CXXC5: variants seen among roughly 807,000 people sequenced by gnomAD.
CXXC5 encodes the protein CXXC finger protein 5.
Under a neutral mutation model 17.6 loss-of-function variants are expected in CXXC5, and 2 were observed. That is an observed-to-expected ratio of 0.11 (90% CI 0.05 to 0.36). CXXC5 has a LOEUF of 0.36. Among genes scored for constraint, CXXC5 ranks in the 10% least tolerant of loss-of-function variants. CXXC5 has a pLI of 1.00. For synonymous variants in CXXC5, 171 were observed against 193.0 expected, an observed-to-expected ratio of 0.89 and a Z score of 0.94; for missense variants, 343 against 458.3, an observed-to-expected ratio of 0.75 and a Z score of 2.30.
At chr5:139,682,780 A>G in intron 2 of CXXC5, 83 bp from the exon 3 acceptor site, 1 of 1,376,174 alleles carries the variant, frequency 7.3e-7, no homozygotes, top group South Asian at 1.4e-5. Context: ...CCATGAGGCC[A>G]TCCATGGGGG....
At chr5:139,650,127 C>G (rs541754636) in intron 1 of CXXC5, among the ~76,000 whole-genome samples, 21 of 152,180 alleles carry the variant, frequency 1.4e-4, no homozygotes, top group Admixed American at 2.0e-4. Context: ...CGGAGTTGGG[C>G]TGGTGCCTCG....
intron 1 of CXXC5, among the ~76,000 whole-genome samples, chr5:139,679,508 G>A (rs561349248): frequency 6.6e-6 from 1 of 152,258 alleles, no homozygotes; most frequent in South Asian, 2.1e-4. Context: ...AGGTTCCTTT[G>A]CCTGCAGGAC....
At chr5:139,652,163 C>T (rs368800030) in intron 1 of CXXC5, among the ~76,000 whole-genome samples, 7,557 of 139,746 alleles carry the variant, frequency 0.054, 210 homozygotes, top group South Asian at 0.11. Context: ...CGCGCGCGCG[C>T]GCGCGCGCGT....
chr5:139,649,419 G>A (rs1336956642), intron 1 of CXXC5: 1 of 152,230 alleles, frequency 6.6e-6, no homozygotes, highest in Non-Finnish European at 1.5e-5. Flanking sequence ...GACCCCGCTC[G>A]CAGCCCTGTG....
At chr5:139,678,636 T>TC (rs911074279) in intron 1 of CXXC5, among the ~76,000 whole-genome samples, 6 of 146,800 alleles carry the variant, frequency 4.1e-5, no homozygotes, top group East Asian at 2.2e-4. Flanking sequence ...AAGCCCCCCC[T>TC]CCCCCCCGCT....
intron 1 of CXXC5, chr5:139,679,903 T>C (rs1757081797): frequency 6.5e-6 from 1 of 153,026 alleles, no homozygotes; most frequent in Non-Finnish European, 1.5e-5. Context: ...GCTCAAGCGA[T>C]CTGCCTGCCT....
upstream of CXXC5, among the ~76,000 whole-genome samples, chr5:139,647,715 C>A (rs575450654): frequency 7.2e-5 from 11 of 152,330 alleles, no homozygotes; most frequent in African/African-American, 2.4e-4. Flanking sequence ...GAGGCTGATG[C>A]CTGCCTGAGA....
intron 1 of CXXC5, among the ~76,000 whole-genome samples, chr5:139,664,493 G>T (rs1313182982): frequency 6.6e-6 from 1 of 152,168 alleles, no homozygotes; most frequent in African/African-American, 2.4e-5. Context: ...ACCAGGCGCT[G>T]CATGGCCCTG....
chr5:139,652,403 G>C (rs1755263528), intron 1 of CXXC5, among the ~76,000 whole-genome samples: 2 of 150,558 alleles, frequency 1.3e-5, no homozygotes, highest in South Asian at 2.1e-4. Flanking sequence ...TCCTGGATTC[G>C]AGCAATGAGA....
intron 1 of CXXC5, among the ~76,000 whole-genome samples, chr5:139,675,881 C>G (rs571421331): frequency 5.6e-4 from 86 of 152,222 alleles, no homozygotes; most frequent in Admixed American, 5.6e-3. Context: ...GTTAAGGAAA[C>G]CAGAGTGGCA....
At chr5:139,682,053 G>A (rs1280792322) in intron 2 of CXXC5, among the ~76,000 whole-genome samples, 1 of 152,114 alleles carries the variant, frequency 6.6e-6, no homozygotes, top group Non-Finnish European at 1.5e-5. Context: ...GCCCGGAGTG[G>A]ACAAGAACCT....
intron 1 of CXXC5, among the ~76,000 whole-genome samples, chr5:139,672,119 G>GTTTA (rs1048772996): frequency 2.0e-5 from 3 of 152,076 alleles, no homozygotes; most frequent in Non-Finnish European, 4.4e-5. Context: ...TTGTTTGTTT[G>GTTTA]TTTATTTATT....
intron 1 of CXXC5, among the ~76,000 whole-genome samples, chr5:139,654,239 C>CTCCA (rs1755369971): frequency 6.6e-6 from 1 of 152,226 alleles, no homozygotes; most frequent in Non-Finnish European, 1.5e-5. Context: ...AACCACTGAG[C>CTCCA]TCCACTGCTA....
At chr5:139,655,776 C>T (rs1014667025) in intron 1 of CXXC5, among the ~76,000 whole-genome samples, 3 of 151,572 alleles carry the variant, frequency 2.0e-5, no homozygotes, top group African/African-American at 4.8e-5. Flanking sequence ...CTGTGCCGGC[C>T]GGCCGTGAGA....
intron 1 of CXXC5, among the ~76,000 whole-genome samples, chr5:139,674,264 C>T (rs1322578795): frequency 2.0e-5 from 3 of 152,190 alleles, no homozygotes; most frequent in African/African-American, 7.2e-5. Context: ...ACGGGACACC[C>T]TCCCTTCCAC....
chr5:139,669,094 G>T (rs572131971), intron 1 of CXXC5, among the ~76,000 whole-genome samples: 1 of 152,332 alleles, frequency 6.6e-6, no homozygotes, highest in South Asian at 2.1e-4. Flanking sequence ...CAGGCCCTGG[G>T]CACTGAGGCA....
intron 1 of CXXC5, among the ~76,000 whole-genome samples, chr5:139,672,901 C>T (rs1264827563): frequency 6.6e-6 from 1 of 152,174 alleles, no homozygotes; most frequent in Non-Finnish European, 1.5e-5. Context: ...ACCCCAGACA[C>T]ACAAACACAC....
At position 139,680,590 on chromosome 5, in the gene CXXC5, G is replaced by C; in HGVS notation, c.67G>C (p.Gly23Arg). The C allele has an allele frequency of 6.2e-7, 1 of 1,605,632 alleles. No individual in the cohort carries two copies. The highest frequency in any genetic ancestry group is 1.1e-5 in the South Asian group (1 of 90,448). ...GSSSSSTNGS[G>R]GSGSSGPKAG... is the part of the protein sequence containing the mutation. ...TAGCAGCAGCAGCACCAATGGCAGC[G>C]GTGGCAGTGGCAGCAGTGGCCCAAA... is the stretch of plus-strand genomic sequence containing the variant. The change falls in exon 2 of 3, where the codon GGT becomes CGT. Residue 23 changes from glycine to arginine, a missense_variant. This residue lies in a region of CXXC5 where 297 missense variants were observed against 363.4 expected (regional missense o/e 0.82). Transcript: ENST00000302517.
At chr5:139,680,215 A>G (rs1347614559) in intron 1 of CXXC5, 149 bp from the exon 2 acceptor site, 1 of 424,166 alleles carries the variant, frequency 2.4e-6, no homozygotes, top group South Asian at 3.4e-5. Flanking sequence ...CAAATAAGAA[A>G]TTTCTCACCA....
Sources: gnomAD v4.1 joint callset for allele counts (sites outside exome capture counted in the v4.1 genomes callset) on GRCh38, gnomAD v4.1.1 for gene constraint, gnomAD v4.1.1 regional missense constraint, MANE v1.5 for transcripts, NCBI Gene and HGNC (gene_info 2026-07-23, HGNC 2026-07-21) for gene names.